Variants in CDH7 observed in about 807,000 individuals in gnomAD.
The protein encoded by CDH7 is cadherin-7.
A neutral mutation model predicts 71.8 loss-of-function variants in CDH7; 25 were observed. That is an observed-to-expected ratio of 0.35 (90% confidence interval 0.25 to 0.49). The LOEUF (loss-of-function observed/expected upper bound fraction) is 0.49, where lower values mean the gene tolerates loss of function less well. CDH7 is among the 20% of genes least tolerant of loss of function. The pLI is 0.99. For synonymous variants in CDH7, 381 were observed against 363.8 expected (o/e 1.05, Z -0.54); for missense variants, 862 against 974.6 (o/e 0.88, Z 1.54).
rs774525484 is a variant in CDH7 at position 65,859,684 on chromosome 18, A to T, written c.1495-24A>T. ...AAGCATAGCACACCAATGTGCTTTCATCTTTTACTTTCTCTTTTCCTAGGT... is the reference window on the plus strand; with the variant it reads ...AAGCATAGCACACCAATGTGCTTTCTTCTTTTACTTTCTCTTTTCCTAGGT... On this transcript the variant is annotated intron_variant, in intron 9 of 11. Coordinates refer to ENST00000397968, the MANE Select transcript of CDH7 (RefSeq NM_004361.5). 3.5e-6 allele frequency: 5 copies of T among 1,426,366 alleles called. No individual in the cohort carries two copies. The South Asian group carries it at 5.7e-5, about 16-fold the overall frequency. The allele number at this position is 1,426,366 out of a possible 1,614,324, so 88.4% of individuals were successfully genotyped here.
intron 2 of CDH7, among the ~76,000 whole-genome samples, chr18:65,777,812 G>A (rs1444150330): frequency 6.6e-6 from 1 of 152,062 alleles, no homozygotes; most frequent in African/African-American, 2.4e-5. Context: ...CTAAATTCTA[G>A]ATTCACATTT....
intron 11 of CDH7, among the ~76,000 whole-genome samples, chr18:65,867,257 G>A (rs1205538562): frequency 1.3e-5 from 2 of 151,960 alleles, no homozygotes; most frequent in Admixed American, 6.6e-5. Context: ...GGATGGTCTC[G>A]ATCTCCTGAC....
intron 11 of CDH7, among the ~76,000 whole-genome samples, chr18:65,877,698 C>A (rs573720608): frequency 6.6e-6 from 1 of 152,222 alleles, no homozygotes; most frequent in African/African-American, 2.4e-5. Flanking sequence ...CCTCTTCATT[C>A]CATGCTTTAC....
intron 2 of CDH7, among the ~76,000 whole-genome samples, chr18:65,770,692 A>G (rs1363392090): frequency 6.6e-6 from 1 of 152,244 alleles, no homozygotes; most frequent in Non-Finnish European, 1.5e-5. Flanking sequence ...TAAAATAAGT[A>G]GAATAATGGA....
At chr18:65,845,209 GTA>G (rs1912893726) in intron 7 of CDH7, among the ~76,000 whole-genome samples, 1 of 150,974 alleles carries the variant, frequency 6.6e-6, no homozygotes, top group African/African-American at 2.4e-5. Flanking sequence ...GTATATATAT[GTA>G]TATATATACA....
chr18:65,856,013 G>A (rs997015725), intron 7 of CDH7, among the ~76,000 whole-genome samples: 2 of 151,936 alleles, frequency 1.3e-5, no homozygotes, highest in Admixed American at 1.3e-4. Flanking sequence ...AAAAAAATGG[G>A]GGAAGCTGGC....
chr18:65,857,356 AATAAT>A (rs1555689984), intron 7 of CDH7, among the ~76,000 whole-genome samples: 1,391 of 131,894 alleles, frequency 0.011, 30 homozygotes, highest in African/African-American at 0.038. Context: ...TAATAATAAT[AATAAT>A]AAAATAGCCA....
chr18:65,836,608 T>C (rs972823926), intron 6 of CDH7, among the ~76,000 whole-genome samples: 18 of 152,134 alleles, frequency 1.2e-4, no homozygotes, highest in African/African-American at 4.3e-4. Context: ...ACTTTCTATC[T>C]ACTGGTAATA....
At chr18:65,837,472 C>T (rs1568212176) in intron 6 of CDH7, among the ~76,000 whole-genome samples, 1 of 152,144 alleles carries the variant, frequency 6.6e-6, no homozygotes. Flanking sequence ...AGGCTCTTAT[C>T]CTTCTACAGA....
chr18:65,768,175 G>A (rs1186915550), intron 2 of CDH7, among the ~76,000 whole-genome samples: 1 of 150,794 alleles, frequency 6.6e-6, no homozygotes, highest in Non-Finnish European at 1.5e-5. Flanking sequence ...GTCCTATTTT[G>A]TGATGAAAAC....
chr18:65,788,804 GT>G (rs1910602845), intron 2 of CDH7, among the ~76,000 whole-genome samples: 1 of 152,148 alleles, frequency 6.6e-6, no homozygotes, highest in Non-Finnish European at 1.5e-5. Context: ...GTGAGTAAAA[GT>G]TTTCAATAAG....
intron 2 of CDH7, chr18:65,803,402 C>G: frequency 6.6e-6 from 1 of 152,254 alleles, no homozygotes; most frequent in Non-Finnish European, 1.5e-5. Flanking sequence ...TTACCATTAC[C>G]TATGCACTTC....
chr18:65,865,515 A>G (rs1038712206), intron 11 of CDH7: 16 of 152,128 alleles, frequency 1.1e-4, no homozygotes, highest in Admixed American at 1.3e-4. Context: ...AACCGTAAGT[A>G]AAACAAAGTC....
intron 1 of CDH7, among the ~76,000 whole-genome samples, chr18:65,753,224 A>G (rs147392596): frequency 0.013 from 2,053 of 152,288 alleles, 38 homozygotes; most frequent in Non-Finnish European, 0.016. Context: ...TTTGATGGCA[A>G]AGCTGATATA....
At chr18:65,758,785 C>T (rs1006940515) in intron 1 of CDH7, among the ~76,000 whole-genome samples, 4 of 152,096 alleles carry the variant, frequency 2.6e-5, no homozygotes, top group East Asian at 3.9e-4. Context: ...ACTTGTTATA[C>T]GGTTAACTTT....
intron 2 of CDH7, among the ~76,000 whole-genome samples, chr18:65,798,406 A>G (rs1475855603): frequency 1.3e-5 from 2 of 152,204 alleles, no homozygotes; most frequent in Non-Finnish European, 2.9e-5. Context: ...TGTGCCTCTG[A>G]AGGAGAGAGC....
chr18:65,824,249 A>G (rs1323318082), intron 5 of CDH7, among the ~76,000 whole-genome samples: 3 of 151,930 alleles, frequency 2.0e-5, no homozygotes, highest in East Asian at 1.9e-4. Flanking sequence ...TTCAAGGCCA[A>G]TCTATTCTAT....
intron 6 of CDH7, among the ~76,000 whole-genome samples, chr18:65,825,560 ATAGTCT>A (rs1912098666): frequency 6.6e-6 from 1 of 151,902 alleles, no homozygotes; most frequent in South Asian, 2.1e-4. Flanking sequence ...ATTTCAAAAC[ATAGTCT>A]TAGTTTATCA....
At chr18:65,754,844 C>G (rs1483334257) in intron 1 of CDH7, among the ~76,000 whole-genome samples, 1 of 152,114 alleles carries the variant, frequency 6.6e-6, no homozygotes, top group Non-Finnish European at 1.5e-5. Flanking sequence ...AGTTAGCTAC[C>G]TTGTGTCATA....
Sources: allele counts gnomAD v4.1 joint callset (sites outside exome capture counted in the v4.1 genomes callset), GRCh38; gene constraint gnomAD v4.1.1; transcripts MANE v1.5; gene names NCBI Gene and HGNC (gene_info 2026-07-23, HGNC 2026-07-21).